Variants in FANCD2 observed in about 807,000 individuals in gnomAD.
FANCD2 encodes the protein FA complementation group D2.
A neutral mutation model predicts 192.3 loss-of-function variants in FANCD2; 131 were observed. That is an observed-to-expected ratio of 0.68 (90% CI 0.59 to 0.79). The LOEUF (loss-of-function observed/expected upper bound fraction) is 0.79. FANCD2 is among the 30% of genes least tolerant of loss of function. The pLI, the probability that FANCD2 is intolerant of heterozygous loss-of-function variation, is 0.00. For synonymous variants in FANCD2, 524 were observed against 612.5 expected (o/e 0.86, Z 2.13); for missense variants, 1,508 against 1,701.6 (o/e 0.89, Z 2.00).
chr3:10,047,704 AATT>A (rs1480735014), intron 15 of FANCD2, among the ~76,000 whole-genome samples: 13 of 152,264 alleles, frequency 8.5e-5, no homozygotes, highest in African/African-American at 2.9e-4. Flanking sequence ...CTTAAAAGTC[AATT>A]ATTATCCAAA....
At chr3:10,081,610 C>T in intron 32 of FANCD2, 146 bp downstream of exon 32, 1 of 760,882 alleles carries the variant, frequency 1.3e-6, no homozygotes. Flanking sequence ...GTGTTTTTGT[C>T]TGTATTATTT....
At chr3:10,093,145 A>T in intron 38 of FANCD2, 140 bp from the exon 39 acceptor site, 1 of 692,840 alleles carries the variant, frequency 1.4e-6, no homozygotes, top group Non-Finnish European at 2.6e-6. Flanking sequence ...TCTGCTTTGT[A>T]ATATTAATTT....
At chr3:10,071,378 G>C (rs1379196938) in intron 26 of FANCD2, among the ~76,000 whole-genome samples, 1 of 152,184 alleles carries the variant, frequency 6.6e-6, no homozygotes, top group Admixed American at 6.5e-5. Context: ...ATACCAAGGA[G>C]ATATCTGCAC....
At position 10,039,638 on chromosome 3, in the gene FANCD2, T is replaced by C. The variant is rs2086813940; in HGVS notation, c.571-83T>C. The C allele has an allele frequency of 2.1e-5, 31 of 1,493,110 alleles. No individual in the cohort carries two copies. The South Asian group carries it at 3.1e-4, about 15-fold the overall frequency. The allele number at this position is 1,493,110 out of a possible 1,614,324, so 92.5% of individuals were successfully genotyped here. Reference sequence around the variant, plus strand: ...ATGACTGTGTTTATTTCTCAAATAATTTCAGCTCTGCATTTCACACGTAGG... The same window carrying C: ...ATGACTGTGTTTATTTCTCAAATAACTTCAGCTCTGCATTTCACACGTAGG... On this transcript the variant is annotated intron_variant, in intron 8 of 43. Transcript: ENST00000675286.
Position 10,093,254 on chromosome 3 carries a change from A to G in FANCD2, c.3850-31A>G, listed in dbSNP as rs532891398. 3.7e-6 allele frequency: 6 copies of G among 1,601,558 alleles called. No individual in the cohort carries two copies. The African/African-American group carries it at 5.3e-5, about 14-fold the overall frequency. ...TGGAGTGCTCAAAGGAGCAGATCTC[A>G]GCCTTGGTTTCTTGTCTTTCACCTC... On this transcript the variant is annotated intron_variant, in intron 38 of 43. Coordinates refer to ENST00000675286, the MANE Select transcript of FANCD2 (RefSeq NM_001018115.3).
intron 9 of FANCD2, 76 bp downstream of exon 9, chr3:10,039,921 T>G: frequency 6.4e-7 from 1 of 1,554,740 alleles, no homozygotes; most frequent in Non-Finnish European, 8.9e-7. Flanking sequence ...CAAAGAGCAG[T>G]AGTAATATGG....
In FANCD2 at chr3:10,063,786, C is replaced by T. The variant is rs527507850; in HGVS notation, c.1828-6C>T. ...AGGTTTAAACCATTCTTCCTCTTTG[C>T]TCCAGGTGACCTCCTTGTTGCAGTT... On this transcript the variant is annotated splice_region_variant and splice_polypyrimidine_tract_variant and intron_variant, in intron 20 of 43. Transcript: ENST00000675286. The T allele has an allele frequency of 1.2e-6, 2 of 1,614,214 alleles. No homozygotes were observed. Among genetic ancestry groups the T allele is most frequent in the Admixed American group, 1.7e-5 (1 of 60,024 alleles).
rs2125095183 is a variant in FANCD2 at position 10,096,332 on chromosome 3, C to G, written c.4045C>G (p.Gln1349Glu). The stretch of plus-strand genomic sequence containing the variant: ...GTTATTTATTTCCATTCAGATTCAC[C>G]AGGACACGAGACTCACCCAACATGT... The part of the protein sequence containing the change: ...HHLCGHSKIH[Q>E]DTRLTQHVPL... Residue 1349 changes from glutamine to glutamate, a missense_variant, in exon 42 of 44, where the codon CAG becomes GAG. Around this residue, in one of 5 missense-constraint regions of FANCD2, gnomAD observed 796 missense variants for 879.4 expected, o/e 0.91. Transcript: ENST00000675286. 6.2e-7 allele frequency: 1 copy of G among 1,614,002 alleles called. No individual in the cohort carries two copies. The highest frequency in any genetic ancestry group is 8.5e-7 in the Non-Finnish European group (1 of 1,179,954).
At chr3:10,078,287 A>C in intron 30 of FANCD2, 90 bp downstream of exon 30, 1 of 865,862 alleles carries the variant, frequency 1.2e-6, no homozygotes, top group South Asian at 1.3e-5. Flanking sequence ...TTTCTTTGGC[A>C]TTGTGTTTGG....
intron 21 of FANCD2, 133 bp from the exon 22 acceptor site, chr3:10,064,223 T>G (rs1403338796): frequency 8.5e-5 from 70 of 827,232 alleles, no homozygotes; most frequent in Non-Finnish European, 1.3e-4. Context: ...TACTTCACAA[T>G]AGTGAGATAT....
intron 41 of FANCD2, among the ~76,000 whole-genome samples, chr3:10,095,878 A>AT (rs397950663): frequency 0.025 from 3,187 of 125,754 alleles, 111 homozygotes; most frequent in Middle Eastern, 0.042. Flanking sequence ...CTGAACAGTG[A>AT]TTTTTTTTTT....
chr3:10,036,235 T>C (rs2086728335), intron 6 of FANCD2, 52 bp from the exon 7 acceptor site: 4 of 1,461,212 alleles, frequency 2.7e-6, no homozygotes, highest in Non-Finnish European at 3.8e-6. Context: ...ATTATACATT[T>C]CTATTGTGTA....
At chr3:10,037,659 A>G (rs1030131110) in intron 7 of FANCD2, 11 of 152,242 alleles carry the variant, frequency 7.2e-5, no homozygotes, top group African/African-American at 2.4e-4. Flanking sequence ...TATATTGAAA[A>G]AGATTACTCT....
At chr3:10,084,883 AG>A (rs966172272) in intron 32 of FANCD2, among the ~76,000 whole-genome samples, 1 of 152,224 alleles carries the variant, frequency 6.6e-6, no homozygotes, top group Non-Finnish European at 1.5e-5. Flanking sequence ...CAGTGGTTTA[AG>A]AAAACACTTC....
At position 10,060,281 on chromosome 3, in the gene FANCD2, C is replaced by G; in HGVS notation, c.1657-13C>G. On this transcript the variant is annotated splice_polypyrimidine_tract_variant and intron_variant, in intron 18 of 43. Coordinates refer to ENST00000675286, the MANE Select transcript of FANCD2 (RefSeq NM_001018115.3). Reference sequence around the variant, plus strand: ...TTCCAGCATTTTCATCTTTCTTCATCATCTCATTGCAGGATGACATGCACT... The same window carrying G: ...TTCCAGCATTTTCATCTTTCTTCATGATCTCATTGCAGGATGACATGCACT... 1 of 1,579,560 alleles carries G rather than the reference C, an allele frequency of 6.3e-7. No homozygotes were observed. The highest frequency in any genetic ancestry group is 8.7e-7 in the Non-Finnish European group (1 of 1,150,664).
intron 10 of FANCD2, among the ~76,000 whole-genome samples, chr3:10,042,250 A>T (rs1468534384): frequency 1.3e-5 from 2 of 152,150 alleles, no homozygotes; most frequent in Non-Finnish European, 2.9e-5. Flanking sequence ...ATGTTGTCTG[A>T]GTCATACCTG....
At chr3:10,048,354 A>C (rs1487382251) in intron 16 of FANCD2, among the ~76,000 whole-genome samples, 1 of 152,122 alleles carries the variant, frequency 6.6e-6, no homozygotes, top group Non-Finnish European at 1.5e-5. Flanking sequence ...CCCAGGCTGG[A>C]GTGCAGTGGT....
At chr3:10,094,093 G>T (rs1477756518) in intron 39 of FANCD2, among the ~76,000 whole-genome samples, 196 bp from the exon 40 acceptor site, 1 of 152,032 alleles carries the variant, frequency 6.6e-6, no homozygotes, top group Non-Finnish European at 1.5e-5. Context: ...CCTAATTCTG[G>T]GGCTTAGTTA....
Position 10,101,344 on chromosome 3 carries a change from C to G in FANCD2, c.*82C>G. 1.1e-6 allele frequency: 1 copy of G among 928,010 alleles called. No individual in the cohort carries two copies. The highest frequency in any genetic ancestry group is 1.8e-6 in the Non-Finnish European group (1 of 569,124). 57.5% of individuals were successfully genotyped at this position (928,010 alleles called of 1,614,324 possible). A position where few individuals can be genotyped will look rare whatever the true frequency, so the allele number is the denominator to read the frequency against. ...GTTAGAGTTTGAAATCCGCTGTTTG[C>G]CTTTCTTACTGGTAGGATCCTTTTT... On this transcript the variant is annotated 3_prime_UTR_variant, in exon 44 of 44. Transcript: ENST00000675286.
Sources: gnomAD v4.1 joint callset for allele counts (sites outside exome capture counted in the v4.1 genomes callset) on GRCh38, gnomAD v4.1.1 for gene constraint, gnomAD v4.1.1 regional missense constraint, MANE v1.5 for transcripts, NCBI Gene and HGNC (gene_info 2026-07-23, HGNC 2026-07-21) for gene names.